ZBTB10: variants seen among roughly 807,000 people sequenced by gnomAD.
ZBTB10 encodes the protein zinc finger and BTB domain-containing protein 10.
ZBTB10 carries 32 observed loss-of-function variants against 76.4 expected under a neutral mutation model. The observed-to-expected ratio is 0.42, with a 90% CI of 0.32 to 0.56. The LOEUF is 0.56. ZBTB10 is among the 20% of genes least tolerant of loss of function. The pLI, the probability that ZBTB10 is intolerant of heterozygous loss-of-function variation, is 0.14. For synonymous variants in ZBTB10, 523 were observed against 432.9 expected, an observed-to-expected ratio of 1.21 and a Z score of -2.58; for missense variants, 1,057 against 1,098.5, an observed-to-expected ratio of 0.96 and a Z score of 0.53.
chr8:80,519,522 T>C lies in ZBTB10; in HGVS notation c.2610T>C (p.Asp870=), dbSNP rs1443827534. 6.2e-7 allele frequency: 1 copy of C among 1,607,122 alleles called. No homozygotes were observed. The highest frequency in any genetic ancestry group is 1.3e-5 in the African/African-American group (1 of 74,834). The change falls in exon 6 of 6, where the codon GAT becomes GAC. Residue 870 remains aspartate, a synonymous_variant. Transcript: ENST00000455036. ...CAGGAGAAGTTTGTATGTCTCTAGA[T>C]GATTAACTGACCTACTATACTCCTC... ...DESGEVCMSL[D]D
At chr8:80,510,512 GA>G (rs1816160617) in intron 2 of ZBTB10, among the ~76,000 whole-genome samples, 1 of 152,164 alleles carries the variant, frequency 6.6e-6, no homozygotes, top group Non-Finnish European at 1.5e-5. Context: ...TGTTCACTGA[GA>G]AAAGACATTT....
chr8:80,500,687 C>T (rs1815901637), intron 2 of ZBTB10, among the ~76,000 whole-genome samples: 1 of 152,150 alleles, frequency 6.6e-6, no homozygotes, highest in South Asian at 2.1e-4. Context: ...AGCCTCTGTG[C>T]TCACTATTTT....
At chr8:80,493,466 C>T (rs1052120195) in intron 1 of ZBTB10, among the ~76,000 whole-genome samples, 7 of 151,952 alleles carry the variant, frequency 4.6e-5, no homozygotes, top group African/African-American at 1.5e-4. Flanking sequence ...GAGGCACCTG[C>T]GTAGTGTGTA....
rs200076869 is a variant in ZBTB10, at chr8:80,500,172, T to C, written c.1651T>C (p.Ser551Pro). The C allele has an allele frequency of 6.2e-7, 1 of 1,611,684 alleles. No individual in the cohort carries two copies. The highest frequency in any genetic ancestry group is 8.5e-7 in the Non-Finnish European group (1 of 1,178,586). Residue 551 changes from serine to proline, a missense_variant, in exon 2 of 6, where the codon TCT (serine) becomes CCT (proline). This residue lies in a region of ZBTB10 where 306 missense variants were observed against 297.5 expected (regional missense o/e 1.03). Coordinates refer to ENST00000455036, the MANE Select transcript of ZBTB10 (RefSeq NM_001105539.3). ...ATCTCCTGAAATGGCTGAAAATGAA[T>C]CTGAAGGTCAAACAAAAGTGTTTAT... is the stretch of plus-strand genomic sequence containing the variant. ...DGSPEMAENE[S>P]EGQTKVFIWN...
At position 80,519,468 on chromosome 8, in the gene ZBTB10, T is replaced by A. The variant is rs771647707; in HGVS notation, c.2556T>A (p.Asp852Glu). Residue 852 changes from aspartate to glutamate, a missense_variant, in exon 6 of 6, where the codon GAT (aspartate) becomes GAA (glutamate). Physicochemically the swap from Asp to Glu is conservative, Grantham distance 45 (BLOSUM62 2). Coordinates refer to ENST00000455036, the MANE Select transcript of ZBTB10 (RefSeq NM_001105539.3). ...AAGAGCTAGTTGATGATGGAGAAGA[T>A]CAGAATGATCCCTCTCGATGGGATG... ...ADEELVDDGEDQNDPSRWDES... is the reference protein window; with the variant it reads ...ADEELVDDGEEQNDPSRWDES... The A allele has an allele frequency of 2.4e-5, 39 of 1,612,448 alleles. 1 individual carries two copies. The South Asian group carries it at 3.8e-4, about 16-fold the overall frequency.
chr8:80,490,373 C>CTACA (rs1815594908), intron 1 of ZBTB10, among the ~76,000 whole-genome samples: 1 of 152,058 alleles, frequency 6.6e-6, no homozygotes, highest in African/African-American at 2.4e-5. Context: ...GTAGCTAGAA[C>CTACA]TACAGGTGCG....
Position 80,499,983 on chromosome 8 carries a change from G to A in ZBTB10, c.1462G>A (p.Asp488Asn). ...DYNNRKPVNR[D>N]GLSSSRDQKI... is the part of the protein sequence containing the mutation. Reference sequence around the variant, plus strand: ...TAATAATAGAAAACCAGTTAATAGAGATGGTCTGTCTTCATCACGGGATCA... The same window carrying A: ...TAATAATAGAAAACCAGTTAATAGAAATGGTCTGTCTTCATCACGGGATCA... Residue 488 changes from aspartate (D) to asparagine (N), a missense_variant, in exon 2 of 6, where the codon GAT becomes AAT. Around this residue, in one of 5 missense-constraint regions of ZBTB10, gnomAD observed 306 missense variants for 297.5 expected, o/e 1.03. Transcript: ENST00000455036. 1 of 1,613,980 alleles carries A rather than the reference G, an allele frequency of 6.2e-7. No homozygotes were observed. The highest frequency in any genetic ancestry group is 8.5e-7 in the Non-Finnish European group (1 of 1,179,886).
chr8:80,516,581 T>C (rs1319504094), intron 3 of ZBTB10, among the ~76,000 whole-genome samples: 1 of 152,214 alleles, frequency 6.6e-6, no homozygotes, highest in Non-Finnish European at 1.5e-5. Flanking sequence ...TCTTACAACT[T>C]ACTCCCAAAC....
chr8:80,496,429 T>C (rs186045180), intron 1 of ZBTB10, among the ~76,000 whole-genome samples: 24 of 151,854 alleles, frequency 1.6e-4, no homozygotes, highest in Non-Finnish European at 3.1e-4. Context: ...GGAATAGTGC[T>C]TTAATCAGTG....
upstream of ZBTB10, chr8:80,486,218 C>A (rs1017366657): frequency 9.3e-6 from 10 of 1,071,914 alleles, no homozygotes; most frequent in African/African-American, 1.7e-5. Flanking sequence ...GCGCACGGTC[C>A]GTTGTTCATT....
chr8:80,518,969 A>G lies in ZBTB10; in HGVS notation c.2310+15A>G. 1 of 1,579,092 alleles carries G rather than the reference A, an allele frequency of 6.3e-7. No individual in the cohort carries two copies. Among genetic ancestry groups the G allele is most frequent in the Non-Finnish European group, 8.6e-7 (1 of 1,160,920 alleles). On this transcript the variant is annotated intron_variant, in intron 5 of 5. Coordinates refer to ENST00000455036, the MANE Select transcript of ZBTB10 (RefSeq NM_001105539.3). ...GACATTCCCTGGTAAGTAACTTTAAATACAGCTGATCTTTGAGATAAACTA... is the reference window on the plus strand; with the variant it reads ...GACATTCCCTGGTAAGTAACTTTAAGTACAGCTGATCTTTGAGATAAACTA...
At chr8:80,513,823 TTAAGAAACAGTTC>T in intron 2 of ZBTB10, 74 bp from the exon 3 acceptor site, 1 of 1,054,176 alleles carries the variant, frequency 9.5e-7, no homozygotes, top group South Asian at 1.4e-5. Flanking sequence ...TACTTTTTAT[TTAAGAAACAGTTC>T]CAAGAAAGAG....
chr8:80,511,517 T>G (rs761211793), intron 2 of ZBTB10, among the ~76,000 whole-genome samples: 1 of 152,196 alleles, frequency 6.6e-6, no homozygotes, highest in African/African-American at 2.4e-5. Context: ...TGAGACAGGG[T>G]CTCACTCTTG....
rs879886440 is a variant in ZBTB10 at position 80,525,937 on chromosome 8, C to G, written c.*6409C>G. The G allele has an allele frequency of 1.3e-5, 2 of 152,246 alleles. No homozygotes were observed. Among genetic ancestry groups the G allele is most frequent in the African/African-American group, 2.4e-5 (1 of 41,546 alleles). 9.4% of individuals were successfully genotyped at this position (152,246 alleles called of 1,614,324 possible). A position where few individuals can be genotyped will look rare whatever the true frequency, so the allele number is the denominator to read the frequency against. The stretch of plus-strand genomic sequence containing the variant: ...TATGATACGTGGTGTCACACTGAGC[C>G]TTTGGGATCCTTTCCCTGGATACAT... On this transcript the variant is annotated 3_prime_UTR_variant, in exon 6 of 6. Coordinates refer to ENST00000455036, the MANE Select transcript of ZBTB10 (RefSeq NM_001105539.3).
Position 80,523,944 on chromosome 8 carries a change from T to G in ZBTB10, c.*4416T>G, listed in dbSNP as rs1755165881. The G allele has an allele frequency of 6.6e-6, 1 of 152,050 alleles. No individual in the cohort carries two copies. Among genetic ancestry groups the G allele is most frequent in the African/African-American group, 2.4e-5 (1 of 41,456 alleles). 9.4% of individuals were successfully genotyped at this position (152,050 alleles called of 1,614,324 possible). On this transcript the variant is annotated 3_prime_UTR_variant, in exon 6 of 6. Coordinates refer to ENST00000455036, the MANE Select transcript of ZBTB10 (RefSeq NM_001105539.3). Reference sequence around the variant, plus strand: ...TAAAATGTAAATTACCTACCTAATATAAGTGTCCTAAGACATGTATGTAAA... The same window carrying G: ...TAAAATGTAAATTACCTACCTAATAGAAGTGTCCTAAGACATGTATGTAAA...
intron 1 of ZBTB10, 21 bp downstream of exon 1, chr8:80,487,803 A>C (rs776592725): frequency 2.0e-6 from 3 of 1,527,668 alleles, no homozygotes; most frequent in South Asian, 2.6e-5. Flanking sequence ...TCCTGCTCCT[A>C]CTTTTTTGAG....
At chr8:80,505,099 G>C (rs1816016552) in intron 2 of ZBTB10, among the ~76,000 whole-genome samples, 1 of 152,060 alleles carries the variant, frequency 6.6e-6, no homozygotes, top group Non-Finnish European at 1.5e-5. Flanking sequence ...ACCTTATTTT[G>C]AAATGACAAA....
Position 80,520,056 on chromosome 8 carries a change from T to G in ZBTB10, c.*528T>G, listed in dbSNP as rs1292256564. On this transcript the variant is annotated 3_prime_UTR_variant, in exon 6 of 6. Coordinates refer to ENST00000455036, the MANE Select transcript of ZBTB10 (RefSeq NM_001105539.3). The stretch of plus-strand genomic sequence containing the variant: ...CCATTGGTTCTATTTTCTTGTATTT[T>G]TCCATTTAATTTGCTTCATAACTTA... The G allele has an allele frequency of 6.6e-6, 1 of 152,538 alleles. No homozygotes were observed. The highest frequency in any genetic ancestry group is 1.5e-5 in the Non-Finnish European group (1 of 67,986). The allele number at this position is 152,538 out of a possible 1,614,324, so 9.4% of individuals were successfully genotyped here. A position where few individuals can be genotyped will look rare whatever the true frequency, so the allele number is the denominator to read the frequency against.
intron 2 of ZBTB10, among the ~76,000 whole-genome samples, chr8:80,511,529 C>T (rs979396922): frequency 6.6e-6 from 1 of 151,824 alleles, no homozygotes; most frequent in African/African-American, 2.4e-5. Flanking sequence ...TCACTCTTGC[C>T]CAGGCTGTAG....
Sources: gnomAD v4.1 joint callset for allele counts (sites outside exome capture counted in the v4.1 genomes callset) on GRCh38, gnomAD v4.1.1 for gene constraint, gnomAD v4.1.1 regional missense constraint, MANE v1.5 for transcripts, NCBI Gene and HGNC (gene_info 2026-07-23, HGNC 2026-07-21) for gene names.